The following SLC1A2 variants were observed in gnomAD, a reference collection of about 807,000 sequenced individuals.
SLC1A2 encodes the protein excitatory amino acid transporter 2.
In SLC1A2, 15 loss-of-function variants were observed where a neutral mutation model predicts 48.8. The ratio of observed to expected loss-of-function variants is 0.31; its 90% CI spans 0.21 to 0.47. SLC1A2 has a LOEUF of 0.47. Among genes scored for constraint, SLC1A2 ranks in the 20% least tolerant of loss-of-function variants. The probability of loss-of-function intolerance (pLI) is 0.99; values close to 1 mark genes in which losing one functional copy is unlikely to be tolerated. For synonymous variants in SLC1A2, 279 were observed against 272.6 expected (o/e 1.02, Z -0.23); for missense variants, 502 against 730.5 (o/e 0.69, Z 3.61).
chr11:35,286,711 G>A, intron 8 of SLC1A2, 46 bp downstream of exon 8: 1 of 1,439,824 alleles, frequency 6.9e-7, no homozygotes, highest in Non-Finnish European at 9.5e-7. Flanking sequence ...AGTGTGGAGG[G>A]GAAACAGGGT....
rs759797428 is a variant in SLC1A2 at position 35,312,357 on chromosome 11, C to T, written c.402G>A (p.Leu134=). The change falls in exon 4 of 11, where the codon CTG becomes CTA. Residue 134 remains leucine (L), a synonymous_variant. Transcript: ENST00000278379. ...YMSTTIIAAV[L]GVILVLAIHP... ...GGATAGCCAAGACCAGAATGACCCC[C>T]AGTACTGCAGCAATGATGGTCGTGG... The T allele has an allele frequency of 6.2e-6, 10 of 1,614,186 alleles. No individual in the cohort carries two copies. The highest frequency in any genetic ancestry group is 8.5e-6 in the Non-Finnish European group (10 of 1,180,022).
intron 1 of SLC1A2, among the ~76,000 whole-genome samples, chr11:35,386,897 A>T (rs1854600365): frequency 6.6e-6 from 1 of 152,158 alleles, no homozygotes; most frequent in South Asian, 2.1e-4. Flanking sequence ...TTTCATTTTT[A>T]AAAAAGAACA....
At chr11:35,409,374 C>G (rs1180191924) in intron 1 of SLC1A2, among the ~76,000 whole-genome samples, 2 of 152,182 alleles carry the variant, frequency 1.3e-5, no homozygotes, top group Non-Finnish European at 2.9e-5. Flanking sequence ...GCTGTCAACA[C>G]TGAAAATGTC....
intron 7 of SLC1A2, among the ~76,000 whole-genome samples, chr11:35,288,410 G>A (rs1018392031): frequency 2.0e-5 from 3 of 152,102 alleles, no homozygotes; most frequent in African/African-American, 7.2e-5. Flanking sequence ...TGCATGCAGG[G>A]GATGGCATCA....
intron 1 of SLC1A2, chr11:35,360,111 C>T: frequency 1.0e-6 from 1 of 984,962 alleles, no homozygotes; most frequent in Non-Finnish European, 1.2e-6. Flanking sequence ...CCTTCCATCA[C>T]AGTCCTGCTA....
chr11:35,349,376 CAT>C (rs1309097077), intron 1 of SLC1A2, among the ~76,000 whole-genome samples: 3 of 152,268 alleles, frequency 2.0e-5, no homozygotes, highest in African/African-American at 7.2e-5. Context: ...TCCTCGGAGG[CAT>C]AGATTCTTTC....
At chr11:35,380,945 C>T (rs150090759) in intron 1 of SLC1A2, among the ~76,000 whole-genome samples, 29 of 152,168 alleles carry the variant, frequency 1.9e-4, no homozygotes, top group African/African-American at 6.5e-4. Flanking sequence ...CAAAATTACA[C>T]GTAGTGGGGA....
chr11:35,299,526 T>A (rs540392090), intron 6 of SLC1A2: 1 of 152,172 alleles, frequency 6.6e-6, no homozygotes, highest in Non-Finnish European at 1.5e-5. Context: ...ACTAGCATCC[T>A]TTCTGTGTTT....
chr11:35,419,317 C>T lies in SLC1A2; in HGVS notation c.-351G>A, dbSNP rs1045633095. 7.6e-6 allele frequency: 2 copies of T among 263,280 alleles called. No homozygotes were observed. The highest frequency in any genetic ancestry group is 1.4e-5 in the Non-Finnish European group (2 of 140,942). 16.3% of individuals were successfully genotyped at this position (263,280 alleles called of 1,614,324 possible). A position where few individuals can be genotyped will look rare whatever the true frequency, so the allele number is the denominator to read the frequency against. On this transcript the variant is annotated 5_prime_UTR_variant, in exon 1 of 11. Transcript: ENST00000278379. This position sits in a 1 kb window ranked among gnomAD's most constrained non-coding sequence, Gnocchi z 5.4. The stretch of plus-strand genomic sequence containing the variant: ...CACGCCGGCGATGCGCCCCTGCAGC[C>T]GCTGCCACCTGTGCTTTGCTGCGGG...
At chr11:35,386,402 A>G (rs1238497572) in intron 1 of SLC1A2, among the ~76,000 whole-genome samples, 2 of 152,172 alleles carry the variant, frequency 1.3e-5, no homozygotes, top group African/African-American at 4.8e-5. Context: ...GTAGACGTTG[A>G]CACCCTCAGT....
rs369861277 is a variant in SLC1A2, at chr11:35,269,101, T to G, written c.1422-3343A>C. Among the ~76,000 whole-genome samples the G allele has an allele frequency of 4.6e-5, 7 of 152,164 alleles. No homozygotes were observed. In the South Asian group the frequency reaches 1.4e-3, roughly 32 times the overall value. ...GTCACAAGGGTGGAGCCTTCATGAA[T>G]GGGATCAGTGACCTCAGAAAAGAGG... On this transcript the variant is annotated intron_variant, in intron 9 of 10. Transcript: ENST00000278379.
intron 4 of SLC1A2, among the ~76,000 whole-genome samples, chr11:35,307,825 A>G (rs146235806): frequency 1.3e-5 from 2 of 152,314 alleles, no homozygotes; most frequent in Non-Finnish European, 2.9e-5. Flanking sequence ...AAGGGAGGTC[A>G]GTGTTCTCTG....
At chr11:35,266,583 TAAG>T (rs1565201144) in intron 9 of SLC1A2, among the ~76,000 whole-genome samples, 3 of 152,196 alleles carry the variant, frequency 2.0e-5, no homozygotes, top group African/African-American at 7.2e-5. Flanking sequence ...ATTAAATTCT[TAAG>T]AGTAAGTTTT....
chr11:35,265,398 G>A, intron 10 of SLC1A2, 129 bp downstream of exon 10: 2 of 622,952 alleles, frequency 3.2e-6, no homozygotes, highest in East Asian at 2.7e-5. Context: ...AGAAGCTTGG[G>A]TTACATGATT....
At chr11:35,408,210 C>T (rs1418010178) in intron 1 of SLC1A2, among the ~76,000 whole-genome samples, 1 of 152,196 alleles carries the variant, frequency 6.6e-6, no homozygotes, top group East Asian at 1.9e-4. Context: ...AACCTATGCT[C>T]ATTTCTATAC....
chr11:35,324,217 A>G (rs10836374), intron 1 of SLC1A2, among the ~76,000 whole-genome samples: 121,386 of 152,248 alleles, frequency 0.8, 48,947 homozygotes, highest in East Asian at 0.93. Flanking sequence ...CTGCAAAGAC[A>G]AAGTAGCAGG....
intron 3 of SLC1A2, among the ~76,000 whole-genome samples, chr11:35,312,739 T>A (rs1464532958): frequency 6.6e-6 from 1 of 152,274 alleles, no homozygotes; most frequent in Non-Finnish European, 1.5e-5. Context: ...TTACAATACC[T>A]AATACAATGT....
rs1472318133 is a variant in SLC1A2 at position 35,257,991 on chromosome 11, C to T, written c.*2903G>A. On this transcript the variant is annotated 3_prime_UTR_variant, in exon 11 of 11. Transcript: ENST00000278379. ...ATATAATTGACAGGTTAAATGTATT[C>T]TATTTAGATAAAGGTTATTAGAGGT... The T allele has an allele frequency of 6.6e-6, 1 of 152,096 alleles. No homozygotes were observed. The highest frequency in any genetic ancestry group is 1.5e-5 in the Non-Finnish European group (1 of 68,016). The allele number at this position is 152,096 out of a possible 1,614,324, so 9.4% of individuals were successfully genotyped here.
At chr11:35,419,856 C>A (rs886421574), upstream of SLC1A2, 3 of 434,524 alleles carry the variant, frequency 6.9e-6, no homozygotes, top group Non-Finnish European at 1.4e-5. This position sits in a 1 kb window ranked among gnomAD's most constrained non-coding sequence, Gnocchi z 5.4. Context: ...CTGGAGCAGC[C>A]CCTGGCGCTC....
Sources: gnomAD v4.1 joint callset for allele counts (sites outside exome capture counted in the v4.1 genomes callset) on GRCh38, gnomAD v4.1.1 for gene constraint, Gnocchi (gnomAD v3.1) non-coding constraint, MANE v1.5 for transcripts, NCBI Gene and HGNC (gene_info 2026-07-23, HGNC 2026-07-21) for gene names.